CLEC16A: variants seen among roughly 807,000 people sequenced by gnomAD.
CLEC16A encodes the protein protein CLEC16A.
In CLEC16A, 51 loss-of-function variants were observed where a neutral mutation model predicts 109.5. That is an observed-to-expected ratio of 0.47 (90% CI 0.37 to 0.59). CLEC16A has a LOEUF of 0.59. Ranked by LOEUF, CLEC16A falls within the 20% of genes least tolerant of loss-of-function variation. The probability of loss-of-function intolerance (pLI) is 0.00; values close to 1 mark genes in which losing one functional copy is unlikely to be tolerated. For missense variants in CLEC16A, 1,339 were observed against 1,394.0 expected, an observed-to-expected ratio of 0.96 and a Z score of 0.63; for synonymous variants, 673 against 564.2, an observed-to-expected ratio of 1.19 and a Z score of -2.73.
chr16:11,100,521 A>G (rs2050856627), intron 19 of CLEC16A, among the ~76,000 whole-genome samples: 1 of 152,096 alleles, frequency 6.6e-6, no homozygotes, highest in African/African-American at 2.4e-5. Flanking sequence ...TTTTTACAAG[A>G]TTGGGGTTTG....
chr16:11,156,638 G>A, intron 22 of CLEC16A: 8 of 1,304,284 alleles, frequency 6.1e-6, no homozygotes, highest in Non-Finnish European at 7.1e-6. Context: ...TAGTGCCTTG[G>A]CTGACAGACT....
At chr16:11,175,519 C>G (rs1455968941) in intron 23 of CLEC16A, among the ~76,000 whole-genome samples, 4 of 152,236 alleles carry the variant, frequency 2.6e-5, no homozygotes, top group Admixed American at 6.5e-5. Context: ...GTAATTTTCC[C>G]CCCAATGAAA....
chr16:10,971,107 T>G lies in CLEC16A; in HGVS notation c.493-18T>G. On this transcript the variant is annotated intron_variant, in intron 4 of 23. Transcript: ENST00000409790. ...CTTATGGGCTTATAATTTGTTTTCGTTATTTCTTTTGTTTTAGCACACCAA... is the reference window on the plus strand; with the variant it reads ...CTTATGGGCTTATAATTTGTTTTCGGTATTTCTTTTGTTTTAGCACACCAA... 2 of 1,576,306 alleles carry G rather than the reference T, an allele frequency of 1.3e-6. No homozygotes were observed. Among genetic ancestry groups the G allele is most frequent in the Non-Finnish European group, 1.7e-6 (2 of 1,146,540 alleles).
chr16:11,144,687 A>C (rs753752873), intron 22 of CLEC16A, among the ~76,000 whole-genome samples: 5 of 152,198 alleles, frequency 3.3e-5, no homozygotes, highest in Non-Finnish European at 5.9e-5. Flanking sequence ...GAAAAGCCCA[A>C]CATCCAGGCC....
chr16:11,071,304 G>C (rs1249475448), intron 19 of CLEC16A, among the ~76,000 whole-genome samples: 2 of 152,190 alleles, frequency 1.3e-5, no homozygotes, highest in East Asian at 3.8e-4. Context: ...TAGTGAAAAT[G>C]AGTGGCATAA....
intron 18 of CLEC16A, among the ~76,000 whole-genome samples, chr16:11,052,873 C>T (rs1016176919): frequency 1.4e-5 from 2 of 146,624 alleles, no homozygotes; most frequent in Admixed American, 6.7e-5. Flanking sequence ...CTCTGGATTC[C>T]ACTTTGCCTT....
intron 12 of CLEC16A, among the ~76,000 whole-genome samples, chr16:11,023,281 T>G (rs1475737591): frequency 6.6e-6 from 1 of 152,194 alleles, no homozygotes; most frequent in Non-Finnish European, 1.5e-5. Context: ...TTTATGATAC[T>G]TCATCTCATA....
At chr16:10,980,352 G>T (rs558397359) in intron 9 of CLEC16A, among the ~76,000 whole-genome samples, 90 of 152,102 alleles carry the variant, frequency 5.9e-4, no homozygotes, top group Middle Eastern at 3.4e-3. Context: ...TCTGTACGAC[G>T]GCGCTGAGCA....
At chr16:11,069,689 G>A (rs542263365) in intron 19 of CLEC16A, among the ~76,000 whole-genome samples, 4 of 151,584 alleles carry the variant, frequency 2.6e-5, no homozygotes, top group South Asian at 2.1e-4. Context: ...CGATCCTCCC[G>A]CCTCAGCTTC....
At chr16:10,951,724 A>G (rs1243509838) in intron 1 of CLEC16A, among the ~76,000 whole-genome samples, 1 of 152,250 alleles carries the variant, frequency 6.6e-6, no homozygotes, top group Non-Finnish European at 1.5e-5. Context: ...TCATTCTAAC[A>G]GTGGTTATCA....
At position 10,982,954 on chromosome 16, in the gene CLEC16A, T is replaced by C; in HGVS notation, c.1034T>C (p.Met345Thr). The change falls in exon 10 of 24, where the codon ATG becomes ACG. Residue 345 changes from methionine to threonine, a missense_variant. Around this residue, in one of 3 missense-constraint regions of CLEC16A, gnomAD observed 1,061 missense variants for 1,006.8 expected, o/e 1.05. Transcript: ENST00000409790. ...EVILNGDLSE[M>T]YAKTEQDIQR... is the part of the protein sequence containing the mutation. The stretch of plus-strand genomic sequence containing the variant: ...ATTCTGAATGGTGATCTGTCTGAGA[T>C]GTACGCTAAGACTGAACAGGATATT... The C allele has an allele frequency of 1.2e-6, 2 of 1,611,424 alleles. No individual in the cohort carries two copies. The highest frequency in any genetic ancestry group is 1.7e-6 in the Non-Finnish European group (2 of 1,177,506).
intron 16 of CLEC16A, among the ~76,000 whole-genome samples, chr16:11,045,575 C>T (rs1377512364): frequency 6.6e-6 from 1 of 152,108 alleles, no homozygotes; most frequent in Non-Finnish European, 1.5e-5. Flanking sequence ...CAGAAACACT[C>T]AGGCCTTGCC....
intron 11 of CLEC16A, among the ~76,000 whole-genome samples, chr16:11,012,751 G>C (rs1331738912): frequency 6.6e-6 from 1 of 152,136 alleles, no homozygotes; most frequent in East Asian, 1.9e-4. Flanking sequence ...ATCATAAGGA[G>C]CACCTCCTTC....
intron 22 of CLEC16A, among the ~76,000 whole-genome samples, chr16:11,143,793 A>G (rs2053942397): frequency 6.6e-6 from 1 of 152,178 alleles, no homozygotes; most frequent in Non-Finnish European, 1.5e-5. Flanking sequence ...AAAGGTAGGC[A>G]TATGTTCATT....
At chr16:11,177,286 T>C (rs1282016528) in intron 23 of CLEC16A, among the ~76,000 whole-genome samples, 1 of 152,168 alleles carries the variant, frequency 6.6e-6, no homozygotes, top group Non-Finnish European at 1.5e-5. Context: ...GGAAGGCAAA[T>C]GGGCCAGCAT....
intron 10 of CLEC16A, among the ~76,000 whole-genome samples, chr16:10,999,837 C>T (rs1026271483): frequency 4.6e-5 from 7 of 152,034 alleles, no homozygotes; most frequent in Non-Finnish European, 1.0e-4. Flanking sequence ...AACTTTATTA[C>T]TTATTTATTT....
At chr16:11,105,525 C>A (rs74009910) in intron 19 of CLEC16A, among the ~76,000 whole-genome samples, 2,103 of 152,338 alleles carry the variant, frequency 0.014, 30 homozygotes, top group African/African-American at 0.047. Flanking sequence ...AGACACACAA[C>A]TGGTTTTCCT....
intron 19 of CLEC16A, among the ~76,000 whole-genome samples, chr16:11,111,998 G>A (rs1248587154): frequency 6.6e-6 from 1 of 152,230 alleles, no homozygotes; most frequent in South Asian, 2.1e-4. Flanking sequence ...TAAACACTCC[G>A]AATGTCTGCC....
chr16:10,977,888 CAG>C (rs1196196115), intron 8 of CLEC16A, among the ~76,000 whole-genome samples: 1 of 152,092 alleles, frequency 6.6e-6, no homozygotes, highest in African/African-American at 2.4e-5. Flanking sequence ...GAGACAGAGA[CAG>C]AGTGTGTGTG....
Sources: gnomAD v4.1 joint callset for allele counts (sites outside exome capture counted in the v4.1 genomes callset) on GRCh38, gnomAD v4.1.1 for gene constraint, gnomAD v4.1.1 regional missense constraint, MANE v1.5 for transcripts, NCBI Gene and HGNC (gene_info 2026-07-23, HGNC 2026-07-21) for gene names.